The following NT5DC3 variants were observed in gnomAD, a reference collection of about 807,000 sequenced individuals.
NT5DC3 encodes the protein 5'-nucleotidase domain-containing protein 3.
A neutral mutation model predicts 67.8 loss-of-function variants in NT5DC3; 42 were observed. The observed-to-expected ratio is 0.62, with a 90% CI of 0.48 to 0.80. The LOEUF (loss-of-function observed/expected upper bound fraction) is 0.80, where lower values mean the gene tolerates loss of function less well. NT5DC3 is among the 30% of genes least tolerant of loss of function. The pLI is 0.00. For missense variants in NT5DC3, 570 were observed against 696.4 expected, an observed-to-expected ratio of 0.82 and a Z score of 2.04; for synonymous variants, 237 against 255.6, an observed-to-expected ratio of 0.93 and a Z score of 0.69.
intron 1 of NT5DC3, among the ~76,000 whole-genome samples, chr12:103,827,250 C>G (rs1887735776): frequency 6.6e-6 from 1 of 152,076 alleles, no homozygotes; most frequent in Admixed American, 6.6e-5. Context: ...TAAATAAATT[C>G]AGCCCGGGAA....
chr12:103,786,240 A>C (rs1593387272), intron 11 of NT5DC3, among the ~76,000 whole-genome samples: 1 of 152,172 alleles, frequency 6.6e-6, no homozygotes, highest in East Asian at 1.9e-4. Flanking sequence ...GGATAAGGAG[A>C]GGAAGCAAGG....
At chr12:103,803,287 T>C (rs1290367753) in intron 4 of NT5DC3, among the ~76,000 whole-genome samples, 1 of 152,136 alleles carries the variant, frequency 6.6e-6, no homozygotes, top group Non-Finnish European at 1.5e-5. Flanking sequence ...AACTTTAAAA[T>C]ATAAGTTAAA....
chr12:103,833,741 G>C (rs973107970), intron 1 of NT5DC3, among the ~76,000 whole-genome samples: 1 of 149,632 alleles, frequency 6.7e-6, no homozygotes, highest in Admixed American at 6.7e-5. Context: ...AAATCCGTGC[G>C]ACTAACAAAA....
At chr12:103,747,525 G>A in the NT5DC3 span, among the ~76,000 whole-genome samples, 1 of 151,664 alleles carries the variant, frequency 6.6e-6, no homozygotes, top group Non-Finnish European at 1.5e-5. Context: ...AGGAGAGGAA[G>A]GAGGCAAACC....
intron 1 of NT5DC3, among the ~76,000 whole-genome samples, chr12:103,834,930 T>A (rs1333777023): frequency 6.6e-6 from 1 of 152,202 alleles, no homozygotes; most frequent in East Asian, 1.9e-4. Context: ...ATGTTTTAAA[T>A]GAATTCATCG....
At position 103,840,985 on chromosome 12, in the gene NT5DC3, A is replaced by G; in HGVS notation, c.172T>C (p.Trp58Arg). 1 of 1,330,418 alleles carries G rather than the reference A, an allele frequency of 7.5e-7. No homozygotes were observed. Among genetic ancestry groups the G allele is most frequent in the Non-Finnish European group, 9.7e-7 (1 of 1,035,602 alleles). The allele number at this position is 1,330,418 out of a possible 1,614,324, so 82.4% of individuals were successfully genotyped here. The change falls in exon 1 of 14, where the codon TGG (tryptophan) becomes CGG (arginine). Residue 58 changes from tryptophan (W) to arginine (R), a missense_variant. Trp to Arg is a moderately radical substitution (Grantham distance 101). Coordinates refer to ENST00000392876, the MANE Select transcript of NT5DC3 (RefSeq NM_001031701.3). ...CTCTTCGCCTCCCGGTAGCGCTCCC[A>G]CAGGTAGCGCTTCATGTCCGGGGCG... The part of the protein sequence containing the change: ...GTAPDMKRYL[W>R]ERYREAKRST...
chr12:103,797,892 C>T (rs891709205), intron 5 of NT5DC3, among the ~76,000 whole-genome samples: 3 of 152,162 alleles, frequency 2.0e-5, no homozygotes, highest in African/African-American at 7.2e-5. Flanking sequence ...TCAGCCTAGC[C>T]TATCTTAAGC....
intron 2 of NT5DC3, among the ~76,000 whole-genome samples, chr12:103,807,997 T>C (rs1886874047): frequency 6.6e-6 from 1 of 152,204 alleles, no homozygotes; most frequent in Non-Finnish European, 1.5e-5. Flanking sequence ...ACGAAACTAA[T>C]ACAGCAGCCC....
At chr12:103,746,578 G>A in the NT5DC3 span, 1 of 1,612,358 alleles carries the variant, frequency 6.2e-7, no homozygotes, top group East Asian at 2.2e-5. Flanking sequence ...CAGAATGAAA[G>A]TGGCCCCTTT....
At chr12:103,840,343 C>T (rs894023164) in intron 1 of NT5DC3, among the ~76,000 whole-genome samples, 31 of 151,484 alleles carry the variant, frequency 2.0e-4, no homozygotes, top group African/African-American at 7.3e-4. Context: ...AGAACCTTCC[C>T]CACCTGGACC....
chr12:103,785,086 C>T (rs1885708372), intron 12 of NT5DC3, among the ~76,000 whole-genome samples: 1 of 152,180 alleles, frequency 6.6e-6, no homozygotes, highest in African/African-American at 2.4e-5. Context: ...CACAGGAGAG[C>T]TCCTAGCAGG....
At chr12:103,814,057 C>G (rs186943619) in intron 2 of NT5DC3, among the ~76,000 whole-genome samples, 79 of 152,286 alleles carry the variant, frequency 5.2e-4, no homozygotes, top group Admixed American at 5.1e-3. Flanking sequence ...CTAAGGAGAC[C>G]TCCACTAGGA....
At chr12:103,831,667 T>A (rs991185969) in intron 1 of NT5DC3, among the ~76,000 whole-genome samples, 1 of 151,898 alleles carries the variant, frequency 6.6e-6, no homozygotes, top group Non-Finnish European at 1.5e-5. Flanking sequence ...GTGCGCCCAA[T>A]GCCTAGTCTT....
rs574670888 is a variant in NT5DC3 at position 103,807,429 on chromosome 12, C to T, written c.394-500G>A. On this transcript the variant is annotated intron_variant, in intron 2 of 13. Transcript: ENST00000392876. ...CACCTTGATGTGGCAGGCCCCTGGA[C>T]GGCCCCATTACCAGGTTTCACGGAG... Among the ~76,000 whole-genome samples the T allele has an allele frequency of 3.8e-4, 58 of 152,306 alleles. No individual in the cohort carries two copies. In the Middle Eastern group the frequency reaches 0.014, roughly 36 times the overall value.
chr12:103,764,677 A>G, the NT5DC3 span, among the ~76,000 whole-genome samples: 1 of 152,200 alleles, frequency 6.6e-6, no homozygotes, highest in Admixed American at 6.5e-5. Flanking sequence ...AATCAAGGTA[A>G]ATATCTTGTG....
intron 1 of NT5DC3, among the ~76,000 whole-genome samples, chr12:103,816,695 T>C (rs1887268330): frequency 6.6e-6 from 1 of 152,250 alleles, no homozygotes; most frequent in Non-Finnish European, 1.5e-5. Flanking sequence ...TGATAGAGGA[T>C]GTTGGTGATC....
At chr12:103,767,281 T>A (rs551126926), downstream of NT5DC3, among the ~76,000 whole-genome samples, 58 of 152,372 alleles carry the variant, frequency 3.8e-4, no homozygotes, top group Admixed American at 3.4e-3. Flanking sequence ...ATAGTTCAGA[T>A]GAACCTTGAA....
At chr12:103,840,424 C>CATCTCAT (rs1566137849) in intron 1 of NT5DC3, among the ~76,000 whole-genome samples, 1 of 72,478 alleles carries the variant, frequency 1.4e-5, no homozygotes, top group African/African-American at 3.5e-5. Context: ...TCATCTCATT[C>CATCTCAT]CATCCCATTC....
At chr12:103,749,568 G>T in the NT5DC3 span, among the ~76,000 whole-genome samples, 5 of 151,600 alleles carry the variant, frequency 3.3e-5, no homozygotes, top group Non-Finnish European at 5.9e-5. Flanking sequence ...GGTGGCTCAC[G>T]CCTGTAATCC....
Sources: gnomAD v4.1 joint callset for allele counts (sites outside exome capture counted in the v4.1 genomes callset) on GRCh38, gnomAD v4.1.1 for gene constraint, MANE v1.5 for transcripts, NCBI Gene and HGNC (gene_info 2026-07-23, HGNC 2026-07-21) for gene names.